IGSF10: variants seen among roughly 807,000 people sequenced by gnomAD.
IGSF10 encodes the protein immunoglobulin superfamily member 10.
IGSF10 carries 126 observed loss-of-function variants against 128.2 expected under a neutral mutation model. The observed-to-expected ratio is 0.98, with a 90% CI of 0.85 to 1.14. IGSF10 has a LOEUF of 1.14. Ranked by LOEUF, IGSF10 falls within the 50% of genes most tolerant of loss-of-function variation. The pLI is 0.00. For synonymous variants in IGSF10, 1,185 were observed against 1,146.2 expected, an observed-to-expected ratio of 1.03 and a Z score of -0.68; for missense variants, 3,295 against 3,149.8, an observed-to-expected ratio of 1.05 and a Z score of -1.10.
At chr3:151,527,051 C>G in the IGSF10 span, among the ~76,000 whole-genome samples, 1 of 152,162 alleles carries the variant, frequency 6.6e-6, no homozygotes, top group African/African-American at 2.4e-5. Context: ...GTCTTCCTAA[C>G]TTTTGGTAGA....
the IGSF10 span, among the ~76,000 whole-genome samples, chr3:151,476,691 G>C: frequency 6.6e-6 from 1 of 152,136 alleles, no homozygotes; most frequent in Non-Finnish European, 1.5e-5. Flanking sequence ...ACTCACCACA[G>C]GCCTGTCATC....
chr3:151,473,188 A>T, the IGSF10 span, among the ~76,000 whole-genome samples: 1 of 152,230 alleles, frequency 6.6e-6, no homozygotes, highest in Non-Finnish European at 1.5e-5. Context: ...CCATGGGACC[A>T]TAATCAGTTG....
chr3:151,599,928 G>A, the IGSF10 span, among the ~76,000 whole-genome samples: 2 of 152,232 alleles, frequency 1.3e-5, no homozygotes, highest in African/African-American at 2.4e-5. Context: ...AACCATCCAA[G>A]TATGAGTGGC....
chr3:151,524,274 C>G, the IGSF10 span, among the ~76,000 whole-genome samples: 1 of 152,110 alleles, frequency 6.6e-6, no homozygotes, highest in Non-Finnish European at 1.5e-5. Flanking sequence ...CAGTCTATTA[C>G]TGGGCATATA....
In IGSF10 at chr3:151,437,076, T is replaced by C; in HGVS notation, c.7485A>G (p.Glu2495=). The stretch of plus-strand genomic sequence containing the variant: ...AGTTTCCTCTGTCATAAGCTGTTGC[T>C]TCTTTAATGACTAAGGTGCCATTGT... ...LHDNGTLVIK[E]ATAYDRGNYI... Residue 2495 remains glutamate (E), a synonymous_variant, in exon 8 of 8, where the codon GAA becomes GAG. Transcript: ENST00000282466. The C allele has an allele frequency of 1.2e-6, 2 of 1,614,228 alleles. No homozygotes were observed. Among genetic ancestry groups the C allele is most frequent in the African/African-American group, 2.7e-5 (2 of 75,068 alleles).
the IGSF10 span, among the ~76,000 whole-genome samples, chr3:151,586,255 T>G: frequency 6.6e-6 from 1 of 152,184 alleles, no homozygotes; most frequent in Non-Finnish European, 1.5e-5. Flanking sequence ...CGAAGGCACC[T>G]GGCCCATATT....
the IGSF10 span, among the ~76,000 whole-genome samples, chr3:151,588,696 G>C: frequency 6.6e-6 from 1 of 152,164 alleles, no homozygotes; most frequent in Non-Finnish European, 1.5e-5. Flanking sequence ...TTCCAGCAAG[G>C]AATGTCATGG....
At chr3:151,538,356 G>A in the IGSF10 span, among the ~76,000 whole-genome samples, 44,517 of 151,882 alleles carry the variant, frequency 0.29, 7,157 homozygotes, top group Middle Eastern at 0.43. Flanking sequence ...TTTTTATAAC[G>A]AGAAGGACCT....
the IGSF10 span, among the ~76,000 whole-genome samples, chr3:151,541,482 G>A: frequency 5.3e-5 from 8 of 152,146 alleles, no homozygotes; most frequent in African/African-American, 1.9e-4. Flanking sequence ...TCATATAGAT[G>A]AGATTTAAAC....
chr3:151,520,353 T>C, the IGSF10 span, among the ~76,000 whole-genome samples: 2 of 151,978 alleles, frequency 1.3e-5, no homozygotes, highest in Admixed American at 6.6e-5. Flanking sequence ...AAAGTAGTCC[T>C]ATTGCAGTTT....
the IGSF10 span, among the ~76,000 whole-genome samples, chr3:151,482,278 G>A: frequency 6.6e-6 from 1 of 152,084 alleles, no homozygotes; most frequent in Non-Finnish European, 1.5e-5. Flanking sequence ...AGATGCAAGA[G>A]AATACAAATA....
At chr3:151,532,998 A>G in the IGSF10 span, among the ~76,000 whole-genome samples, 1 of 152,070 alleles carries the variant, frequency 6.6e-6, no homozygotes, top group Non-Finnish European at 1.5e-5. Flanking sequence ...TGCAAAAATC[A>G]TAAGCATTCC....
chr3:151,476,774 A>T, the IGSF10 span, among the ~76,000 whole-genome samples: 2 of 152,194 alleles, frequency 1.3e-5, no homozygotes, highest in African/African-American at 4.8e-5. Flanking sequence ...ATGTTTAGAG[A>T]GGTGGCAGTA....
chr3:151,509,463 C>T, the IGSF10 span, among the ~76,000 whole-genome samples: 1,217 of 152,218 alleles, frequency 8.0e-3, 14 homozygotes, highest in South Asian at 8.1e-3. Flanking sequence ...TTCCTTCCTG[C>T]GTCCTTAAAG....
chr3:151,459,263 C>T (rs1429634284), intron 2 of IGSF10, among the ~76,000 whole-genome samples: 1 of 152,254 alleles, frequency 6.6e-6, no homozygotes, highest in South Asian at 2.1e-4. Flanking sequence ...TATAGGTGTA[C>T]ATACATTTAC....
chr3:151,468,005 A>T, the IGSF10 span, among the ~76,000 whole-genome samples: 1 of 152,270 alleles, frequency 6.6e-6, no homozygotes, highest in Non-Finnish European at 1.5e-5. Context: ...TTGTAAACAA[A>T]AACAAAAGGA....
chr3:151,509,547 G>A, the IGSF10 span, among the ~76,000 whole-genome samples: 8 of 152,230 alleles, frequency 5.3e-5, no homozygotes, highest in Non-Finnish European at 8.8e-5. Context: ...CTCCCAGCAT[G>A]AGTGACACAG....
the IGSF10 span, among the ~76,000 whole-genome samples, chr3:151,577,692 C>T: frequency 3.9e-5 from 6 of 151,990 alleles, no homozygotes; most frequent in African/African-American, 7.2e-5. Flanking sequence ...TATACAGAAT[C>T]GTAACTCTTT....
chr3:151,454,953 C>A (rs1355312247), intron 4 of IGSF10, among the ~76,000 whole-genome samples: 2 of 152,036 alleles, frequency 1.3e-5, no homozygotes, highest in Non-Finnish European at 2.9e-5. Context: ...TTGTAGTGAG[C>A]TGAGATTGCA....
Sources: allele counts gnomAD v4.1 joint callset (sites outside exome capture counted in the v4.1 genomes callset), GRCh38; gene constraint gnomAD v4.1.1; transcripts MANE v1.5; gene names NCBI Gene and HGNC (gene_info 2026-07-23, HGNC 2026-07-21).